RRAS2: variants seen among roughly 807,000 people sequenced by gnomAD.
The protein encoded by RRAS2 is ras-related protein R-Ras2.
Under a neutral mutation model 27.6 loss-of-function variants are expected in RRAS2, and 7 were observed. The ratio of observed to expected loss-of-function variants is 0.25; its 90% confidence interval spans 0.14 to 0.48. The LOEUF is 0.48. RRAS2 is among the 20% of genes least tolerant of loss of function. The pLI, the probability that RRAS2 is intolerant of heterozygous loss-of-function variation, is 0.99. For synonymous variants in RRAS2, 86 were observed against 90.9 expected (o/e 0.95, Z 0.31); for missense variants, 178 against 256.2 (o/e 0.69, Z 2.08).
At chr11:14,344,392 G>A (rs1265826266) in intron 1 of RRAS2, among the ~76,000 whole-genome samples, 4 of 152,128 alleles carry the variant, frequency 2.6e-5, no homozygotes, top group African/African-American at 9.7e-5. Context: ...GTATGCCTCT[G>A]TGTACCTGCA....
chr11:14,313,843 G>A (rs375929653), intron 1 of RRAS2, among the ~76,000 whole-genome samples: 5 of 152,242 alleles, frequency 3.3e-5, no homozygotes, highest in African/African-American at 1.2e-4. Flanking sequence ...AATTTCCCTT[G>A]TTTATACCAC....
chr11:14,323,047 A>C (rs1241641710), intron 1 of RRAS2, among the ~76,000 whole-genome samples: 1 of 152,222 alleles, frequency 6.6e-6, no homozygotes, highest in African/African-American at 2.4e-5. Context: ...CTACAGCTAG[A>C]GGAGACATTT....
intron 1 of RRAS2, among the ~76,000 whole-genome samples, chr11:14,331,727 T>A (rs376400550): frequency 3.1e-5 from 4 of 130,606 alleles, no homozygotes; most frequent in South Asian, 2.6e-4. Context: ...AGAAAGAGGA[T>A]GTAAGTATTA....
chr11:14,290,735 A>G (rs906647245), intron 4 of RRAS2, among the ~76,000 whole-genome samples: 1 of 152,208 alleles, frequency 6.6e-6, no homozygotes, highest in African/African-American at 2.4e-5. Context: ...CCAATTAGTG[A>G]TACTGACAGT....
At chr11:14,297,056 A>G (rs1383906682) in intron 1 of RRAS2, among the ~76,000 whole-genome samples, 2 of 152,176 alleles carry the variant, frequency 1.3e-5, no homozygotes, top group African/African-American at 4.8e-5. Context: ...TTTAAAAAAG[A>G]TAACAACAAT....
intron 4 of RRAS2, among the ~76,000 whole-genome samples, chr11:14,284,233 A>G (rs192889297): frequency 1.3e-5 from 2 of 152,156 alleles, no homozygotes; most frequent in African/African-American, 4.8e-5. Flanking sequence ...TTGTGTTCTA[A>G]TTTTCATTCA....
chr11:14,352,769 A>C lies in RRAS2; in HGVS notation c.108+5994T>G, dbSNP rs1374832312. On this transcript the variant is annotated intron_variant, in intron 1 of 5. Coordinates refer to ENST00000256196, the MANE Select transcript of RRAS2 (RefSeq NM_012250.6). ...AATATATATATATAGAGAGAGAGAG[A>C]GAGAGAGAGAGGGAGAGAGAGAGAG... 2.7e-5 allele frequency among the ~76,000 whole-genome samples: 4 copies of C among 150,002 alleles called. No homozygotes were observed. In the East Asian group the frequency reaches 7.8e-4, roughly 29 times the overall value.
intron 1 of RRAS2, among the ~76,000 whole-genome samples, chr11:14,316,547 C>T (rs188332080): frequency 6.6e-6 from 1 of 152,214 alleles, no homozygotes. Flanking sequence ...CAAGACTGGC[C>T]TAGGCAACAT....
intron 4 of RRAS2, among the ~76,000 whole-genome samples, chr11:14,286,965 T>C (rs1203373937): frequency 1.3e-5 from 2 of 152,172 alleles, no homozygotes; most frequent in East Asian, 3.9e-4. Flanking sequence ...TTCCTTCATA[T>C]AAAATACCCC....
chr11:14,357,913 TAAG>T (rs1267330971), intron 1 of RRAS2, among the ~76,000 whole-genome samples: 13 of 152,258 alleles, frequency 8.5e-5, no homozygotes, highest in Middle Eastern at 6.8e-3. Flanking sequence ...GAGCAAATTC[TAAG>T]AAGGAAGAAT....
At chr11:14,330,954 T>C (rs1848469797) in intron 1 of RRAS2, among the ~76,000 whole-genome samples, 1 of 152,230 alleles carries the variant, frequency 6.6e-6, no homozygotes, top group Non-Finnish European at 1.5e-5. Flanking sequence ...CAGTTCACTG[T>C]TGCTCAGGGT....
rs1849449981 is a variant in RRAS2, at chr11:14,279,119, T to A, written c.*218A>T. The A allele has an allele frequency of 2.0e-6, 1 of 499,638 alleles. No homozygotes were observed. The highest frequency in any genetic ancestry group is 3.6e-6 in the Non-Finnish European group (1 of 279,242). The allele number at this position is 499,638 out of a possible 1,614,324, so 31.0% of individuals were successfully genotyped here. A position where few individuals can be genotyped will look rare whatever the true frequency, so the allele number is the denominator to read the frequency against. ...TATATAGACATATATTTTAAAGGAATCAGATAATCTTTGAAGCAGCCTTAG... is the reference window on the plus strand; with the variant it reads ...TATATAGACATATATTTTAAAGGAAACAGATAATCTTTGAAGCAGCCTTAG... On this transcript the variant is annotated 3_prime_UTR_variant, in exon 6 of 6. Coordinates refer to ENST00000256196, the MANE Select transcript of RRAS2 (RefSeq NM_012250.6).
chr11:14,333,427 C>A (rs1308272078), intron 1 of RRAS2, among the ~76,000 whole-genome samples: 1 of 152,090 alleles, frequency 6.6e-6, no homozygotes, highest in Non-Finnish European at 1.5e-5. Context: ...TTAAAAATTC[C>A]TTTTCCTTAT....
chr11:14,364,489 G>C, exon 1 of RRAS2: 1 of 1,046,586 alleles, frequency 9.6e-7, no homozygotes, highest in Non-Finnish European at 1.4e-6. Flanking sequence ...CCCAGCAGGA[G>C]CTGCATGCAT....
intron 4 of RRAS2, among the ~76,000 whole-genome samples, chr11:14,294,112 A>G (rs782310350): frequency 6.6e-6 from 1 of 152,268 alleles, no homozygotes; most frequent in Non-Finnish European, 1.5e-5. Flanking sequence ...CGAATAACTT[A>G]GGCCTTTAGT....
intron 4 of RRAS2, 125 bp from the exon 5 acceptor site, chr11:14,281,845 C>T (rs139454597): frequency 2.7e-6 from 2 of 752,486 alleles, no homozygotes; most frequent in African/African-American, 3.6e-5. Flanking sequence ...TAAGGTGAAA[C>T]AACAGACTTA....
intron 1 of RRAS2, among the ~76,000 whole-genome samples, chr11:14,344,131 TCAAA>T (rs1554953747): frequency 6.6e-6 from 1 of 152,092 alleles, no homozygotes; most frequent in Non-Finnish European, 1.5e-5. Flanking sequence ...AGACCCTGTC[TCAAA>T]CAAAATAATT....
chr11:14,328,999 GTGTGTGTGTGTGTATA>G (rs1219272138), intron 1 of RRAS2, among the ~76,000 whole-genome samples: 2 of 54,788 alleles, frequency 3.7e-5, no homozygotes, highest in Non-Finnish European at 9.3e-5. Context: ...GTGTGTGTGT[GTGTGTGTGTGTGTATA>G]TATATATATA....
At chr11:14,363,501 G>C (rs1482236341), upstream of RRAS2, among the ~76,000 whole-genome samples, 3 of 152,226 alleles carry the variant, frequency 2.0e-5, no homozygotes, top group Non-Finnish European at 4.4e-5. Flanking sequence ...GGGCGCAGTG[G>C]CTCACGCTTG....
Sources: gnomAD v4.1 joint callset for allele counts (sites outside exome capture counted in the v4.1 genomes callset) on GRCh38, gnomAD v4.1.1 for gene constraint, MANE v1.5 for transcripts, NCBI Gene and HGNC (gene_info 2026-07-23, HGNC 2026-07-21) for gene names.